LYPLAL1: variants seen among roughly 807,000 people sequenced by gnomAD.
The protein encoded by LYPLAL1 is lysophospholipase-like protein 1.
Under a neutral mutation model 19.7 loss-of-function variants are expected in LYPLAL1, and 23 were observed. That is an observed-to-expected ratio of 1.17 (90% CI 0.84 to 1.65). The LOEUF (loss-of-function observed/expected upper bound fraction) is 1.65, where lower values mean the gene tolerates loss of function less well. Among genes scored for constraint, LYPLAL1 ranks in the 40% most tolerant of loss-of-function variants. The probability of loss-of-function intolerance (pLI) is 0.00; values close to 1 mark genes in which losing one functional copy is unlikely to be tolerated. For synonymous variants in LYPLAL1, 119 were observed against 96.3 expected (o/e 1.24, Z -1.38); for missense variants, 355 against 279.4 (o/e 1.27, Z -1.93).
At chr1:219,338,038 G>C in the LYPLAL1 span, among the ~76,000 whole-genome samples, 3 of 151,916 alleles carry the variant, frequency 2.0e-5, no homozygotes, top group African/African-American at 7.2e-5. Context: ...TTTGGTAATA[G>C]TTCACCTAAA....
At chr1:219,229,444 C>T in the LYPLAL1 span, among the ~76,000 whole-genome samples, 2 of 152,106 alleles carry the variant, frequency 1.3e-5, no homozygotes, top group African/African-American at 4.8e-5. Flanking sequence ...TCTTCTGGCT[C>T]CCCCATCTGC....
chr1:219,442,565 A>G, the LYPLAL1 span: 1 of 152,130 alleles, frequency 6.6e-6, no homozygotes, highest in African/African-American at 2.4e-5. Context: ...TTCTAACGGA[A>G]ACTCACCCCA....
the LYPLAL1 span, among the ~76,000 whole-genome samples, chr1:219,431,726 C>T: frequency 2.6e-5 from 4 of 152,192 alleles, no homozygotes; most frequent in Non-Finnish European, 4.4e-5. Flanking sequence ...TCTCACTAAA[C>T]AGTGTGTGTT....
chr1:219,341,119 T>C, the LYPLAL1 span, among the ~76,000 whole-genome samples: 7 of 152,090 alleles, frequency 4.6e-5, no homozygotes, highest in Non-Finnish European at 1.0e-4. Flanking sequence ...AGCTTATGCA[T>C]CATAAAACCC....
chr1:219,252,974 C>G, the LYPLAL1 span, among the ~76,000 whole-genome samples: 1 of 151,920 alleles, frequency 6.6e-6, no homozygotes. Context: ...TCTTATTGGT[C>G]TTTTCAGGGC....
Position 219,173,947 on chromosome 1 carries a change from G to T in LYPLAL1, c.57G>T (p.Arg19Ser), listed in dbSNP as rs1167809812. 10 of 1,613,828 alleles carry T rather than the reference G, an allele frequency of 6.2e-6. No individual in the cohort carries two copies. In the South Asian group the frequency reaches 7.7e-5, roughly 12 times the overall value. Residue 19 changes from arginine to serine, a missense_variant, in exon 1 of 5, where the codon AGG becomes AGT. By Grantham distance (110) the Arg-to-Ser change is moderately radical (BLOSUM62 -1). Transcript: ENST00000366928. ...LQRCIVSPAG[R>S]HSASLIFLHG... is the part of the protein sequence containing the mutation. ...GCTGTATCGTGTCGCCGGCAGGGAG[G>T]CATAGCGCCTCTCTGATCTTCCTGC...
chr1:219,435,576 C>T, the LYPLAL1 span, among the ~76,000 whole-genome samples: 2 of 152,100 alleles, frequency 1.3e-5, no homozygotes, highest in African/African-American at 4.8e-5. Context: ...TAATCAATCC[C>T]AGTACTTTGG....
the LYPLAL1 span, among the ~76,000 whole-genome samples, chr1:219,422,339 C>T: frequency 6.6e-6 from 1 of 152,140 alleles, no homozygotes; most frequent in Non-Finnish European, 1.5e-5. Context: ...TCATAATTAA[C>T]CAGCCCCTGA....
the LYPLAL1 span, among the ~76,000 whole-genome samples, chr1:219,301,882 C>T: frequency 6.6e-6 from 1 of 152,118 alleles, no homozygotes. Context: ...ATTCTCCCTT[C>T]TCAAATTCCT....
intron 3 of LYPLAL1, chr1:219,198,498 CATA>C (rs937909563): frequency 1.3e-5 from 2 of 151,882 alleles, no homozygotes; most frequent in Admixed American, 6.5e-5. Flanking sequence ...TATTTTTTCT[CATA>C]ATGGAAATGA....
At chr1:219,254,533 A>C in the LYPLAL1 span, among the ~76,000 whole-genome samples, 1 of 151,976 alleles carries the variant, frequency 6.6e-6, no homozygotes, top group Non-Finnish European at 1.5e-5. Context: ...CCTTTCACTG[A>C]GGAAGCTTAG....
the LYPLAL1 span, among the ~76,000 whole-genome samples, chr1:219,386,120 C>T: frequency 2.0e-5 from 3 of 152,158 alleles, no homozygotes; most frequent in African/African-American, 7.2e-5. Flanking sequence ...GACGGCAGAG[C>T]TTTCTGGGTG....
the LYPLAL1 span, among the ~76,000 whole-genome samples, chr1:219,322,123 A>G: frequency 6.6e-6 from 1 of 152,228 alleles, no homozygotes; most frequent in African/African-American, 2.4e-5. Context: ...TTTCATTGTT[A>G]GAACCTCCTC....
chr1:219,234,335 T>G, the LYPLAL1 span, among the ~76,000 whole-genome samples: 2 of 152,186 alleles, frequency 1.3e-5, no homozygotes, highest in Non-Finnish European at 2.9e-5. Flanking sequence ...TTATACTTAA[T>G]GAATGTAACT....
chr1:219,192,509 G>A (rs1442027242), intron 2 of LYPLAL1, among the ~76,000 whole-genome samples: 1 of 151,524 alleles, frequency 6.6e-6, no homozygotes, highest in East Asian at 1.9e-4. Context: ...GCATGCCAAG[G>A]GATAAGGATT....
At chr1:219,319,970 A>C in the LYPLAL1 span, among the ~76,000 whole-genome samples, 6 of 152,210 alleles carry the variant, frequency 3.9e-5, no homozygotes, top group African/African-American at 1.4e-4. Context: ...CCTAAACACT[A>C]ATCTTTAAAA....
chr1:219,299,140 C>CTTTTT, the LYPLAL1 span, among the ~76,000 whole-genome samples: 5 of 129,492 alleles, frequency 3.9e-5, no homozygotes, highest in African/African-American at 5.8e-5. Flanking sequence ...CCTCCCCCAG[C>CTTTTT]TTTTTTTTTT....
chr1:219,241,148 A>ATATATATG, the LYPLAL1 span, among the ~76,000 whole-genome samples: 1 of 133,542 alleles, frequency 7.5e-6, no homozygotes, highest in Non-Finnish European at 1.6e-5. Flanking sequence ...ATATATATAT[A>ATATATATG]TATATATATA....
chr1:219,225,482 T>C, the LYPLAL1 span: 1 of 152,190 alleles, frequency 6.6e-6, no homozygotes, highest in African/African-American at 2.4e-5. Flanking sequence ...CCCTCTCATC[T>C]TCTCACTTGT....
Sources: gnomAD v4.1 joint callset for allele counts (sites outside exome capture counted in the v4.1 genomes callset) on GRCh38, gnomAD v4.1.1 for gene constraint, MANE v1.5 for transcripts, NCBI Gene and HGNC (gene_info 2026-07-23, HGNC 2026-07-21) for gene names.